The following IPMK variants were observed in gnomAD, a reference collection of about 807,000 sequenced individuals.
The protein encoded by IPMK is inositol polyphosphate multikinase, also known as inositol 1,3,4,6-tetrakisphosphate 5-kinase.
In IPMK, 17 loss-of-function variants were observed where a neutral mutation model predicts 45.8. The ratio of observed to expected loss-of-function variants is 0.37; its 90% confidence interval spans 0.25 to 0.56. The LOEUF is 0.56. IPMK is among the 20% of genes least tolerant of loss of function. The probability of loss-of-function intolerance (pLI) is 0.79; values close to 1 mark genes in which losing one functional copy is unlikely to be tolerated. For synonymous variants in IPMK, 180 were observed against 184.3 expected, an observed-to-expected ratio of 0.98 and a Z score of 0.19; for missense variants, 399 against 498.0, an observed-to-expected ratio of 0.80 and a Z score of 1.89.
chr10:58,264,020 T>C (rs886144736), intron 1 of IPMK, among the ~76,000 whole-genome samples: 24 of 152,086 alleles, frequency 1.6e-4, no homozygotes, highest in African/African-American at 5.8e-4. Context: ...GAAAAACAAA[T>C]GTGATAAAAG....
intron 4 of IPMK, among the ~76,000 whole-genome samples, chr10:58,205,487 C>T (rs1445620103): frequency 6.6e-6 from 1 of 152,060 alleles, no homozygotes; most frequent in Non-Finnish European, 1.5e-5. Flanking sequence ...ACTAGGATGG[C>T]TTATAGCAGA....
intron 3 of IPMK, among the ~76,000 whole-genome samples, chr10:58,216,991 C>G (rs1013470852): frequency 5.3e-5 from 8 of 152,034 alleles, no homozygotes; most frequent in African/African-American, 1.9e-4. Context: ...ACTGGGATGA[C>G]AGGCGTGTAC....
chr10:58,256,431 T>C (rs1321183925), intron 1 of IPMK, among the ~76,000 whole-genome samples: 2 of 152,176 alleles, frequency 1.3e-5, no homozygotes, highest in Admixed American at 6.6e-5. Flanking sequence ...TCAGACCAGT[T>C]GTCTGCTCTT....
At chr10:58,233,192 C>A (rs1373040005) in intron 2 of IPMK, among the ~76,000 whole-genome samples, 1 of 151,912 alleles carries the variant, frequency 6.6e-6, no homozygotes, top group Non-Finnish European at 1.5e-5. Context: ...GCCTACCAAC[C>A]AAAAAAAGTC....
At chr10:58,254,151 C>T (rs1838928639) in intron 1 of IPMK, among the ~76,000 whole-genome samples, 1 of 152,092 alleles carries the variant, frequency 6.6e-6, no homozygotes, top group South Asian at 2.1e-4. Flanking sequence ...CTCTCATCTC[C>T]TTTAAAAATT....
intron 4 of IPMK, among the ~76,000 whole-genome samples, chr10:58,199,849 C>T (rs940415858): frequency 2.1e-4 from 32 of 151,984 alleles, no homozygotes; most frequent in Admixed American, 1.6e-3. Context: ...ATATATGACA[C>T]GGCATTTGAA....
intron 1 of IPMK, 101 bp downstream of exon 1, chr10:58,267,321 G>C (rs1330580770): frequency 4.3e-6 from 5 of 1,167,142 alleles, no homozygotes; most frequent in South Asian, 1.3e-5. Flanking sequence ...TGCACACCAG[G>C]GGGGCGTCCA....
At chr10:58,196,774 A>T in intron 5 of IPMK, 76 bp from the exon 6 acceptor site, 1 of 988,724 alleles carries the variant, frequency 1.0e-6, no homozygotes, top group Non-Finnish European at 1.5e-6. Context: ...TCATCACAGA[A>T]TTCTCCAATA....
Position 58,216,155 on chromosome 10 carries a change from A to G in IPMK, c.536T>C (p.Leu179Pro). 6.2e-7 allele frequency: 1 copy of G among 1,600,528 alleles called. No individual in the cohort carries two copies. Residue 179 changes from leucine to proline, a missense_variant, in exon 4 of 6, where the codon CTT becomes CCT. Around this residue, in one of 2 missense-constraint regions of IPMK, gnomAD observed 288 missense variants for 398.0 expected, o/e 0.72. Coordinates refer to ENST00000373935, the MANE Select transcript of IPMK (RefSeq NM_152230.5). ...PLMEEIGFLV[L>P]GMRVYHVHSD... ...AATAAGCACTCTTACCCTCATGCCA[A>G]GCACCAAGAACCCAATCTCTTCCAT...
At position 58,216,153 on chromosome 10, in the gene IPMK, C is replaced by T; in HGVS notation, c.538G>A (p.Gly180Ser). Residue 180 changes from glycine (G) to serine (S), a missense_variant, in exon 4 of 6, where the codon GGC becomes AGC. This residue lies in a region of IPMK where 288 missense variants were observed against 398.0 expected (regional missense o/e 0.72). Coordinates refer to ENST00000373935, the MANE Select transcript of IPMK (RefSeq NM_152230.5). ...CTAATAAGCACTCTTACCCTCATGC[C>T]AAGCACCAAGAACCCAATCTCTTCC... ...LMEEIGFLVL[G>S]MRVYHVHSDS... The T allele has an allele frequency of 6.3e-7, 1 of 1,599,462 alleles. No homozygotes were observed. The highest frequency in any genetic ancestry group is 8.5e-7 in the Non-Finnish European group (1 of 1,174,966).
intron 4 of IPMK, among the ~76,000 whole-genome samples, chr10:58,201,245 T>A (rs1837993384): frequency 6.6e-6 from 1 of 152,224 alleles, no homozygotes; most frequent in Admixed American, 6.5e-5. Flanking sequence ...TTCACTTCAT[T>A]GTGCTTTACA....
intron 4 of IPMK, among the ~76,000 whole-genome samples, chr10:58,213,437 C>T (rs972574116): frequency 1.3e-5 from 2 of 152,224 alleles, no homozygotes; most frequent in Admixed American, 1.3e-4. Flanking sequence ...GTAATCCCAA[C>T]ACTATGGGAG....
At chr10:58,237,589 G>A (rs932478731) in intron 2 of IPMK, 140 bp downstream of exon 2, 19 of 639,006 alleles carry the variant, frequency 3.0e-5, no homozygotes, top group East Asian at 1.9e-4. Context: ...GTAAAGATAC[G>A]CACTGCTTTC....
Sources: allele counts gnomAD v4.1 joint callset (sites outside exome capture counted in the v4.1 genomes callset), GRCh38; gene constraint gnomAD v4.1.1; regional missense constraint gnomAD v4.1.1; transcripts MANE v1.5; gene names NCBI Gene and HGNC (gene_info 2026-07-23, HGNC 2026-07-21).